STAC: variants seen among roughly 807,000 people sequenced by gnomAD.
The protein encoded by STAC is SH3 and cysteine rich domain.
Under a neutral mutation model 48.8 loss-of-function variants are expected in STAC, and 43 were observed. That is an observed-to-expected ratio of 0.88 (90% confidence interval 0.69 to 1.14). STAC has a LOEUF of 1.14. STAC is among the 50% of genes most tolerant of loss of function. The pLI, the probability that STAC is intolerant of heterozygous loss-of-function variation, is 0.00. For missense variants in STAC, 497 were observed against 504.0 expected (o/e 0.99, Z 0.13); for synonymous variants, 193 against 179.5 (o/e 1.07, Z -0.60).
At chr3:36,472,466 G>A (rs1482946957) in intron 2 of STAC, among the ~76,000 whole-genome samples, 1 of 152,188 alleles carries the variant, frequency 6.6e-6, no homozygotes, top group Non-Finnish European at 1.5e-5. Flanking sequence ...CCAGAAAATG[G>A]GTTTTTCTTT....
intron 8 of STAC, among the ~76,000 whole-genome samples, chr3:36,512,791 T>A (rs1283554061): frequency 2.6e-5 from 4 of 152,210 alleles, no homozygotes; most frequent in Admixed American, 2.6e-4. Flanking sequence ...TACTTTTTTT[T>A]ATTTTTTTGC....
At chr3:36,382,214 C>G (rs1699525625) in intron 1 of STAC, among the ~76,000 whole-genome samples, 1 of 152,118 alleles carries the variant, frequency 6.6e-6, no homozygotes, top group South Asian at 2.1e-4. Flanking sequence ...AGGTTAGTGG[C>G]CATTTTAGAG....
At chr3:36,482,863 T>C (rs1360322328) in intron 2 of STAC, 129 bp from the exon 3 acceptor site, 7 of 638,818 alleles carry the variant, frequency 1.1e-5, no homozygotes, top group African/African-American at 1.8e-5. Context: ...ATTTTTTTTC[T>C]ATTTTGAAAG....
intron 2 of STAC, among the ~76,000 whole-genome samples, chr3:36,464,228 G>A (rs1408357947): frequency 1.3e-5 from 2 of 152,126 alleles, no homozygotes; most frequent in Non-Finnish European, 2.9e-5. Flanking sequence ...GTGTGAGATG[G>A]TATCTCATTG....
chr3:36,459,479 T>C (rs1696943996), intron 2 of STAC: 1 of 152,210 alleles, frequency 6.6e-6, no homozygotes, highest in African/African-American at 2.4e-5. Flanking sequence ...AAACATCCCA[T>C]ATTTTCTTTA....
intron 5 of STAC, among the ~76,000 whole-genome samples, chr3:36,488,982 A>G (rs755630680): frequency 1.7e-4 from 26 of 152,150 alleles, no homozygotes; most frequent in Non-Finnish European, 2.9e-4. Flanking sequence ...CCCAAGCCCT[A>G]TAACATATCC....
chr3:36,427,809 G>T (rs1408188013), intron 1 of STAC, among the ~76,000 whole-genome samples: 2 of 152,032 alleles, frequency 1.3e-5, no homozygotes, highest in African/African-American at 4.8e-5. Context: ...ATAATATAAA[G>T]AAATCATATA....
At position 36,546,654 on chromosome 3, in the gene STAC, G is replaced by C; in HGVS notation, c.*365G>C. ...GCTCCAGTTTGCAGGGTAGCCCAGT[G>C]CAAGGTTCAGATCCATGTAGCTAAG... On this transcript the variant is annotated 3_prime_UTR_variant, in exon 11 of 11. Coordinates refer to ENST00000273183, the MANE Select transcript of STAC (RefSeq NM_003149.3). The C allele has an allele frequency of 3.6e-6, 1 of 281,578 alleles. No homozygotes were observed. The allele number at this position is 281,578 out of a possible 1,614,324, so 17.4% of individuals were successfully genotyped here. A position where few individuals can be genotyped will look rare whatever the true frequency, so the allele number is the denominator to read the frequency against.
intron 1 of STAC, among the ~76,000 whole-genome samples, chr3:36,406,129 C>T (rs1700083958): frequency 6.6e-6 from 1 of 152,162 alleles, no homozygotes; most frequent in South Asian, 2.1e-4. Flanking sequence ...GATCAGGAAA[C>T]CTTTCTCTTC....
intron 1 of STAC, among the ~76,000 whole-genome samples, chr3:36,399,082 T>A (rs905648674): frequency 6.6e-6 from 1 of 151,630 alleles, no homozygotes; most frequent in Non-Finnish European, 1.5e-5. Context: ...TGGCAGGACT[T>A]TTTTTTTAAC....
chr3:36,513,226 C>T (rs1698585017), intron 8 of STAC, among the ~76,000 whole-genome samples: 1 of 152,140 alleles, frequency 6.6e-6, no homozygotes, highest in Non-Finnish European at 1.5e-5. Flanking sequence ...CTCCCCGAAC[C>T]TCCAGATTCA....
intron 1 of STAC, among the ~76,000 whole-genome samples, chr3:36,416,254 T>G (rs1029115677): frequency 6.6e-6 from 1 of 152,206 alleles, no homozygotes; most frequent in Admixed American, 6.5e-5. Flanking sequence ...GAGGATCACT[T>G]GAGCCCAGGA....
intron 6 of STAC, among the ~76,000 whole-genome samples, chr3:36,498,758 AAGAG>A (rs947915370): frequency 2.0e-5 from 3 of 151,990 alleles, no homozygotes; most frequent in East Asian, 1.9e-4. Flanking sequence ...CTGTCTCAAA[AAGAG>A]AGAGAGAGAA....
At chr3:36,513,875 A>G (rs1447116513) in intron 8 of STAC, among the ~76,000 whole-genome samples, 1 of 151,982 alleles carries the variant, frequency 6.6e-6, no homozygotes, top group East Asian at 1.9e-4. Flanking sequence ...AGAGAGAGAG[A>G]GAGAATATAT....
chr3:36,486,091 TCTCAGATGAGCTTC>T (rs750106071), intron 4 of STAC, 29 bp from the exon 5 acceptor site: 11 of 1,527,852 alleles, frequency 7.2e-6, no homozygotes, highest in Non-Finnish European at 9.9e-6. Context: ...GGCTGGGTCC[TCTCAGATGAGCTTC>T]CTCAGATGAA....
At chr3:36,464,220 G>A (rs541882469) in intron 2 of STAC, among the ~76,000 whole-genome samples, 1 of 152,292 alleles carries the variant, frequency 6.6e-6, no homozygotes, top group East Asian at 1.9e-4. Flanking sequence ...TCTAACTGGT[G>A]TGAGATGGTA....
At chr3:36,410,303 G>C (rs983644622) in intron 1 of STAC, among the ~76,000 whole-genome samples, 1 of 152,192 alleles carries the variant, frequency 6.6e-6, no homozygotes, top group African/African-American at 2.4e-5. Context: ...TCGTGGGTAT[G>C]TGTGTCTATA....
At chr3:36,497,191 A>G (rs1698171652) in intron 6 of STAC, among the ~76,000 whole-genome samples, 1 of 152,202 alleles carries the variant, frequency 6.6e-6, no homozygotes, top group Non-Finnish European at 1.5e-5. Context: ...TCTACATTAC[A>G]GATGCAAATA....
intron 2 of STAC, among the ~76,000 whole-genome samples, chr3:36,475,511 A>G (rs1282460946): frequency 6.6e-6 from 1 of 152,208 alleles, no homozygotes; most frequent in East Asian, 1.9e-4. Flanking sequence ...TCCTATTATT[A>G]CATGTGTTTA....
Sources: allele counts gnomAD v4.1 joint callset (sites outside exome capture counted in the v4.1 genomes callset), GRCh38; gene constraint gnomAD v4.1.1; transcripts MANE v1.5; gene names NCBI Gene and HGNC (gene_info 2026-07-23, HGNC 2026-07-21).